MXD3: variants seen among roughly 807,000 people sequenced by gnomAD.
The protein encoded by MXD3 is Max-associated protein 3.
A neutral mutation model predicts 27.5 loss-of-function variants in MXD3; 20 were observed. The ratio of observed to expected loss-of-function variants is 0.73; its 90% CI spans 0.51 to 1.06. MXD3 has a LOEUF of 1.06. Among genes scored for constraint, MXD3 ranks in the 50% least tolerant of loss-of-function variants. The pLI is 0.00. For synonymous variants in MXD3, 150 were observed against 130.7 expected, an observed-to-expected ratio of 1.15 and a Z score of -1.01; for missense variants, 298 against 291.3, an observed-to-expected ratio of 1.02 and a Z score of -0.17.
rs1021694053 is a variant in MXD3 at position 177,311,326 on chromosome 5, C to T, written c.176+53G>A. ...AACAAGTGGGCAGAGGAGGGCCCGA[C>T]CAGGGGCGGCGCCCACCCCCACCCC... On this transcript the variant is annotated intron_variant, in intron 2 of 5. Coordinates refer to ENST00000439742, the MANE Select transcript of MXD3 (RefSeq NM_031300.4). 17 of 1,258,404 alleles carry T rather than the reference C, an allele frequency of 1.4e-5. No individual in the cohort carries two copies. In the Admixed American group the frequency reaches 6.2e-4, roughly 46 times the overall value. The allele number at this position is 1,258,404 out of a possible 1,614,324, so 78.0% of individuals were successfully genotyped here.
At chr5:177,312,038 C>T (rs962608977), upstream of MXD3, 41 of 1,248,410 alleles carry the variant, frequency 3.3e-5, no homozygotes, top group Non-Finnish European at 3.6e-5. Context: ...GCAGCCGCCC[C>T]GCCCCGAGTG....
chr5:177,309,079 T>C (rs1760973208), intron 4 of MXD3, among the ~76,000 whole-genome samples: 1 of 152,060 alleles, frequency 6.6e-6, no homozygotes, highest in South Asian at 2.1e-4. Flanking sequence ...AGAGGGAGCC[T>C]GGGAAGAGCA....
chr5:177,311,335 G>A, intron 2 of MXD3, 44 bp downstream of exon 2: 1 of 1,314,140 alleles, frequency 7.6e-7, no homozygotes, highest in Non-Finnish European at 1.0e-6. Flanking sequence ...ACCAGGGGCG[G>A]CGCCCACCCC....
chr5:177,310,634 G>T, intron 3 of MXD3, 34 bp downstream of exon 3: 1 of 1,614,124 alleles, frequency 6.2e-7, no homozygotes, highest in Non-Finnish European at 8.5e-7. Flanking sequence ...TGGCCCCTGG[G>T]GGCTGGCGCT....
downstream of MXD3, chr5:177,306,238 G>A (rs1760871043): frequency 1.3e-6 from 2 of 1,581,944 alleles, no homozygotes; most frequent in Non-Finnish European, 1.7e-6. Context: ...TAGCGGGCGT[G>A]GAGTCTGGGT....
Position 177,307,858 on chromosome 5 carries a change from G to A in MXD3, c.428C>T (p.Ala143Val), listed in dbSNP as rs748936430. ...CGCCCGCAGCCGCTCCCGCTCGGCC[G>A]CCCCTGCCAGCCCCCGGAGCTGCTC... Reference protein sequence around the residue: ...QLEQLRGLAGAAERERLRADS... With the variant: ...QLEQLRGLAGVAERERLRADS... The change falls in exon 5 of 6, where the codon GCG becomes GTG. Residue 143 changes from alanine (A) to valine (V), a missense_variant. By Grantham distance (64) the Ala-to-Val change is moderately conservative (BLOSUM62 0). Transcript: ENST00000439742. The A allele has an allele frequency of 1.3e-5, 21 of 1,609,090 alleles. No homozygotes were observed. Among genetic ancestry groups the A allele is most frequent in the African/African-American group, 4.0e-5 (3 of 74,986 alleles).
downstream of MXD3, chr5:177,306,931 TA>T (rs1760894656): frequency 1.2e-6 from 1 of 865,328 alleles, no homozygotes; most frequent in Admixed American, 3.0e-5. Context: ...AGACACTCAA[TA>T]AATACTTGTT....
Position 177,307,819 on chromosome 5 carries a change from G to T in MXD3, c.467C>A (p.Ser156Tyr). Residue 156 changes from serine to tyrosine, a missense_variant, in exon 5 of 6, where the codon TCC becomes TAC. Transcript: ENST00000439742. ...TGAGCGCTCAGAGGAGAGGCCTGAG[G>T]AGTCCAGACTGTCCGCCCGCAGCCG... Reference protein sequence around the residue: ...RERLRADSLDSSGLSSERSDS... With the variant: ...RERLRADSLDYSGLSSERSDS... 2 of 1,612,786 alleles carry T rather than the reference G, an allele frequency of 1.2e-6. No homozygotes were observed. Among genetic ancestry groups the T allele is most frequent in the Non-Finnish European group, 1.7e-6 (2 of 1,179,724 alleles).
At chr5:177,307,029 ACT>A, downstream of MXD3, 1 of 1,445,256 alleles carries the variant, frequency 6.9e-7, no homozygotes, top group Non-Finnish European at 9.1e-7. Context: ...GAGTCACGTC[ACT>A]CAGCCTCATT....
At chr5:177,310,357 C>T in intron 4 of MXD3, 69 bp downstream of exon 4, 3 of 1,285,224 alleles carry the variant, frequency 2.3e-6, no homozygotes, top group Non-Finnish European at 2.2e-6. Context: ...CCCAGTCCCA[C>T]CAGCCCCTCC....
chr5:177,307,561 G>A lies in MXD3; in HGVS notation c.*27C>T. The A allele has an allele frequency of 1.9e-6, 3 of 1,608,478 alleles. No individual in the cohort carries two copies. Among genetic ancestry groups the A allele is most frequent in the Non-Finnish European group, 2.5e-6 (3 of 1,178,670 alleles). On this transcript the variant is annotated 3_prime_UTR_variant, in exon 6 of 6. Transcript: ENST00000439742. ...CAAGTGGGCCTGGCACGAGTAGAGGGCAGAGGCCCGCCCTGGGTGAGGAAC... is the reference window on the plus strand; with the variant it reads ...CAAGTGGGCCTGGCACGAGTAGAGGACAGAGGCCCGCCCTGGGTGAGGAAC...
At position 177,311,454 on chromosome 5, in the gene MXD3, G is replaced by C; in HGVS notation, c.101C>G (p.Pro34Arg). The change falls in exon 2 of 6, where the codon CCG becomes CGG. Residue 34 changes from proline to arginine, a missense_variant. Pro to Arg is a moderately radical substitution (Grantham distance 103, BLOSUM62 -2). Transcript: ENST00000439742. ...EAEHGYASLC[P>R]HRSPGPIHRR... Reference sequence around the variant, plus strand: ...GTGGATGGGGCCTGGACTGCGATGCGGGCACAGGGACGCATAACCATGCTC... The same window carrying C: ...GTGGATGGGGCCTGGACTGCGATGCCGGCACAGGGACGCATAACCATGCTC... 1 of 1,433,570 alleles carries C rather than the reference G, an allele frequency of 7.0e-7. No individual in the cohort carries two copies. Among genetic ancestry groups the C allele is most frequent in the Non-Finnish European group, 9.1e-7 (1 of 1,096,146 alleles). The allele number at this position is 1,433,570 out of a possible 1,614,324, so 88.8% of individuals were successfully genotyped here.
Position 177,307,785 on chromosome 5 carries a change from G to T in MXD3, c.501C>A (p.Asp167Glu), listed in dbSNP as rs750544683. The part of the protein sequence containing the change: ...SGLSSERSDS[D>E]QEELEVDVES... ...CCTCAGCCTCGGGGCACTCACCTTG[G>T]TCTGAGTCTGAGCGCTCAGAGGAGA... Residue 167 changes from aspartate to glutamate, a missense_variant, in exon 5 of 6, where the codon GAC (aspartate) becomes GAA (glutamate). Physicochemically the swap from Asp to Glu is conservative, Grantham distance 45. Coordinates refer to ENST00000439742, the MANE Select transcript of MXD3 (RefSeq NM_031300.4). 1 of 1,613,172 alleles carries T rather than the reference G, an allele frequency of 6.2e-7. No individual in the cohort carries two copies. Among genetic ancestry groups the T allele is most frequent in the Non-Finnish European group, 8.5e-7 (1 of 1,179,798 alleles).
At chr5:177,308,044 G>A in intron 4 of MXD3, 80 bp from the exon 5 acceptor site, 1 of 1,339,844 alleles carries the variant, frequency 7.5e-7, no homozygotes, top group Non-Finnish European at 9.9e-7. Context: ...TCAGTACCGG[G>A]CCACGGCCAC....
downstream of MXD3, chr5:177,305,721 TTC>T (rs1304405768): frequency 1.5e-6 from 1 of 664,396 alleles, no homozygotes; most frequent in Non-Finnish European, 2.6e-6. Context: ...TGGCTTCTTG[TTC>T]TGTCAGTGCC....
chr5:177,307,109 G>A, downstream of MXD3: 1 of 1,500,180 alleles, frequency 6.7e-7, no homozygotes, highest in Non-Finnish European at 8.9e-7. Flanking sequence ...GCCTGGCACG[G>A]CCAACAGTGT....
At chr5:177,312,009 A>G, upstream of MXD3, 1 of 1,275,980 alleles carries the variant, frequency 7.8e-7, no homozygotes, top group Non-Finnish European at 1.0e-6. Flanking sequence ...CCCGCCACGG[A>G]GCCGCAGCCC....
Position 177,307,516 on chromosome 5 carries a change from TG to T in MXD3, c.*71del. ...GTGACTCCGAGCAGCCCTGAAGGCT[TG>T]GGGAGGGCTCCTGCCTGGCAAGTGG... On this transcript the variant is annotated 3_prime_UTR_variant, in exon 6 of 6. Transcript: ENST00000439742. The T allele has an allele frequency of 6.4e-7, 1 of 1,573,632 alleles. No individual in the cohort carries two copies. The highest frequency in any genetic ancestry group is 8.6e-7 in the Non-Finnish European group (1 of 1,162,078).
At chr5:177,307,173 TC>T (rs1234953589), downstream of MXD3, 24 of 1,549,516 alleles carry the variant, frequency 1.5e-5, no homozygotes, top group East Asian at 5.4e-4. Flanking sequence ...GGTTGGGAGT[TC>T]CCCCGTTTTC....
Sources: gnomAD v4.1 joint callset for allele counts (sites outside exome capture counted in the v4.1 genomes callset) on GRCh38, gnomAD v4.1.1 for gene constraint, MANE v1.5 for transcripts, NCBI Gene and HGNC (gene_info 2026-07-23, HGNC 2026-07-21) for gene names.